Variants in NLRC5 observed in about 807,000 individuals in gnomAD.
The protein encoded by NLRC5 is NLR family CARD domain containing 5, also known as protein NLRC5.
Under a neutral mutation model 206.9 loss-of-function variants are expected in NLRC5, and 114 were observed. The ratio of observed to expected loss-of-function variants is 0.55; its 90% CI spans 0.47 to 0.64. The LOEUF is 0.64. Among genes scored for constraint, NLRC5 ranks in the 30% least tolerant of loss-of-function variants. The pLI, the probability that NLRC5 is intolerant of heterozygous loss-of-function variation, is 0.00. For missense variants in NLRC5, 2,008 were observed against 2,305.5 expected, an observed-to-expected ratio of 0.87 and a Z score of 2.64; for synonymous variants, 952 against 962.8, an observed-to-expected ratio of 0.99 and a Z score of 0.21.
chr16:57,079,691 A>G (rs1284876691), intron 46 of NLRC5, 62 bp downstream of exon 46: 5 of 1,398,410 alleles, frequency 3.6e-6, no homozygotes, highest in Non-Finnish European at 5.1e-6. Context: ...GGGTCGGGGG[A>G]GTTGGCTCCA....
In NLRC5 at chr16:57,054,802, C is replaced by T. The variant is rs2065388496; in HGVS notation, c.3558C>T (p.Thr1186=). ...SPKSPFLLAN[T]LSLCPRVKKV... is the part of the protein sequence containing the mutation. The stretch of plus-strand genomic sequence containing the variant: ...AAAGCCCCTTCCTGCTGGCCAACAC[C>T]TTAAGCCTGTGTCCACGGGTTAAAA... The change falls in exon 25 of 49, where the codon ACC becomes ACT. Residue 1186 remains threonine, a synonymous_variant. Coordinates refer to ENST00000688547, the MANE Select transcript of NLRC5 (RefSeq NM_001384950.1). 6.2e-7 allele frequency: 1 copy of T among 1,614,088 alleles called. No homozygotes were observed. The highest frequency in any genetic ancestry group is 1.3e-5 in the African/African-American group (1 of 74,922).
chr16:57,027,852 TG>T (rs2143002932), intron 6 of NLRC5, among the ~76,000 whole-genome samples: 1 of 152,340 alleles, frequency 6.6e-6, no homozygotes, highest in East Asian at 1.9e-4. Flanking sequence ...CAAGGGAGGC[TG>T]GGAAATGTGA....
chr16:57,042,790 T>A (rs916756708), intron 19 of NLRC5, among the ~76,000 whole-genome samples: 2 of 152,148 alleles, frequency 1.3e-5, no homozygotes, highest in African/African-American at 4.8e-5. Context: ...GTGGCCTCTG[T>A]TGGTGGCTAC....
chr16:57,015,947 A>AT (rs1471203764), intron 1 of NLRC5, among the ~76,000 whole-genome samples: 20 of 147,434 alleles, frequency 1.4e-4, no homozygotes, highest in Non-Finnish European at 2.5e-4. Flanking sequence ...AAAAAAAAAA[A>AT]AGAAAGAAAA....
intron 1 of NLRC5, among the ~76,000 whole-genome samples, chr16:57,009,525 G>C (rs1262408520): frequency 6.6e-6 from 1 of 152,004 alleles, no homozygotes. Context: ...CCTGGGAGGT[G>C]GAGGTTGCAG....
intron 1 of NLRC5, among the ~76,000 whole-genome samples, chr16:56,994,204 G>A (rs534756800): frequency 2.6e-5 from 4 of 151,954 alleles, no homozygotes; most frequent in Non-Finnish European, 5.9e-5. Flanking sequence ...AGGGGGTGGA[G>A]GGAGGGGAGA....
intron 38 of NLRC5, among the ~76,000 whole-genome samples, chr16:57,071,470 TG>T (rs2067753752): frequency 1.1e-5 from 1 of 94,742 alleles, no homozygotes; most frequent in African/African-American, 4.3e-5. Context: ...TGGTGGTTAA[TG>T]GGGAAGGGGG....
intron 1 of NLRC5, among the ~76,000 whole-genome samples, chr16:56,993,803 T>C (rs1339661576): frequency 1.3e-5 from 2 of 152,196 alleles, no homozygotes; most frequent in Non-Finnish European, 2.9e-5. Flanking sequence ...GCACTTTTCA[T>C]GTTAAGGGAA....
At chr16:57,003,266 T>C (rs1161789327) in intron 1 of NLRC5, among the ~76,000 whole-genome samples, 1 of 151,854 alleles carries the variant, frequency 6.6e-6, no homozygotes, top group African/African-American at 2.4e-5. Context: ...CCCAGGCTGC[T>C]CTCAAACTCC....
intron 1 of NLRC5, chr16:57,013,449 G>A: frequency 3.0e-6 from 2 of 674,722 alleles, no homozygotes; most frequent in Admixed American, 2.5e-5. Context: ...TCTGATGAAG[G>A]AAATAAAAGC....
At chr16:56,992,026 G>A (rs1471987223) in intron 1 of NLRC5, 1 of 152,224 alleles carries the variant, frequency 6.6e-6, no homozygotes, top group African/African-American at 2.4e-5. Context: ...TGAAGACAGA[G>A]ACATACGGGG....
rs1307232274 is a variant in NLRC5 at position 57,020,821 on chromosome 16, C to T, written c.109C>T (p.Pro37Ser). The change falls in exon 3 of 49, where the codon CCC becomes TCC. Residue 37 changes from proline (P) to serine (S), a missense_variant. By Grantham distance (74) the Pro-to-Ser change is moderately conservative. Coordinates refer to ENST00000688547, the MANE Select transcript of NLRC5 (RefSeq NM_001384950.1). ...WLNAKMKFFL[P>S]NTDLDSRNET... Reference sequence around the variant, plus strand: ...GAACGCCAAGATGAAGTTCTTCCTCCCCAACACGGACCTGGATTCCAGGAA... The same window carrying T: ...GAACGCCAAGATGAAGTTCTTCCTCTCCAACACGGACCTGGATTCCAGGAA... The T allele has an allele frequency of 6.2e-7, 1 of 1,613,402 alleles. No homozygotes were observed. The highest frequency in any genetic ancestry group is 8.5e-7 in the Non-Finnish European group (1 of 1,179,902).
At chr16:57,007,884 A>T (rs1180469244) in intron 1 of NLRC5, among the ~76,000 whole-genome samples, 1 of 152,100 alleles carries the variant, frequency 6.6e-6, no homozygotes, top group East Asian at 1.9e-4. Context: ...TTTGTTTATG[A>T]TGTATACATT....
rs1467628250 is a variant in NLRC5, at chr16:57,081,414, G to A, written c.5406-113G>A. 23 of 1,044,716 alleles carry A rather than the reference G, an allele frequency of 2.2e-5. No homozygotes were observed. In the Admixed American group the frequency reaches 4.0e-4, roughly 18 times the overall value. 64.7% of individuals were successfully genotyped at this position (1,044,716 alleles called of 1,614,324 possible). A position where few individuals can be genotyped will look rare whatever the true frequency, so the allele number is the denominator to read the frequency against. ...GTCTTTTGGGTTCCCTGAGAAGGTAGTGTGGGAGACTGTGTCCCCTGACCT... is the reference window on the plus strand; with the variant it reads ...GTCTTTTGGGTTCCCTGAGAAGGTAATGTGGGAGACTGTGTCCCCTGACCT... On this transcript the variant is annotated intron_variant, in intron 47 of 48. Transcript: ENST00000688547.
rs546762589 is a variant in NLRC5, at chr16:57,079,955, C to T, written c.5321+326C>T. 2.0e-5 allele frequency among the ~76,000 whole-genome samples: 3 copies of T among 152,324 alleles called. No individual in the cohort carries two copies. In the South Asian group the frequency reaches 6.2e-4, roughly 32 times the overall value. ...TTTTGGGAGGCAACTGGATAGACCA[C>T]CTTGCCTGCTTGATGAAACCTCCAT... On this transcript the variant is annotated intron_variant, in intron 46 of 48. Coordinates refer to ENST00000688547, the MANE Select transcript of NLRC5 (RefSeq NM_001384950.1).
chr16:57,039,703 T>C (rs1229159277), intron 15 of NLRC5, 78 bp from the exon 16 acceptor site: 4 of 1,335,466 alleles, frequency 3.0e-6, no homozygotes, highest in Non-Finnish European at 3.2e-6. Context: ...GGCAACAGAC[T>C]GAGACCTTCT....
At chr16:57,021,686 T>G (rs1165356500) in intron 3 of NLRC5, among the ~76,000 whole-genome samples, 1 of 152,224 alleles carries the variant, frequency 6.6e-6, no homozygotes, top group African/African-American at 2.4e-5. Context: ...TGTTTTTGTT[T>G]GTTTGTTTGT....
rs377396638 is a variant in NLRC5 at position 57,043,562 on chromosome 16, G to T, written c.3161G>T (p.Arg1054Leu). 6.2e-7 allele frequency: 1 copy of T among 1,614,082 alleles called. No homozygotes were observed. The highest frequency in any genetic ancestry group is 1.7e-5 in the Admixed American group (1 of 60,008). The change falls in exon 20 of 49, where the codon CGG becomes CTG. Residue 1054 changes from arginine to leucine, a missense_variant. Transcript: ENST00000688547. Reference protein sequence around the residue: ...LSLDAVLGLVRCFSTLQWLFR... With the variant: ...LSLDAVLGLVLCFSTLQWLFR... ...CTGGATGCCGTGTTGGGTTTGGTTC[G>T]GTGCTTCTCCACTCTGCAGTGGCTC...
rs755958635 is a variant in NLRC5 at position 57,079,278 on chromosome 16, G to A, written c.5223G>A (p.Leu1741=). Residue 1741 remains leucine (L), a synonymous_variant, in exon 45 of 49, where the codon CTG becomes CTA. Transcript: ENST00000688547. ...GVLRFCMELP[L]LRQIDLVSCK... ...TGCGTTTCTGTATGGAGCTCCCGCT[G>A]CTCAGACAGATAGAGTAAGTAGCCT... is the stretch of plus-strand genomic sequence containing the variant. The A allele has an allele frequency of 2.5e-6, 4 of 1,613,290 alleles. No homozygotes were observed. The highest frequency in any genetic ancestry group is 4.5e-5 in the East Asian group (2 of 44,888).
Sources: allele counts gnomAD v4.1 joint callset (sites outside exome capture counted in the v4.1 genomes callset), GRCh38; gene constraint gnomAD v4.1.1; transcripts MANE v1.5; gene names NCBI Gene and HGNC (gene_info 2026-07-23, HGNC 2026-07-21).